The following ISOC2 variants were observed in gnomAD, a reference collection of about 807,000 sequenced individuals.
ISOC2 encodes the protein isochorismatase domain containing 2, also known as isochorismatase domain-containing protein 2.
In ISOC2, 15 loss-of-function variants were observed where a neutral mutation model predicts 19.3. The ratio of observed to expected loss-of-function variants is 0.78; its 90% confidence interval spans 0.52 to 1.20. ISOC2 has a LOEUF of 1.20. Ranked by LOEUF, ISOC2 falls within the 50% of genes most tolerant of loss-of-function variation. ISOC2 has a pLI of 0.00. For synonymous variants in ISOC2, 106 were observed against 115.8 expected (o/e 0.92, Z 0.54); for missense variants, 285 against 272.4 (o/e 1.05, Z -0.33).
In ISOC2 at chr19:55,455,126, A is replaced by C. The variant is rs2123376779; in HGVS notation, c.420-20T>G. 1.2e-5 allele frequency: 7 copies of C among 600,276 alleles called. No homozygotes were observed. Among genetic ancestry groups the C allele is most frequent in the Non-Finnish European group, 2.2e-5 (7 of 320,170 alleles). 37.2% of individuals were successfully genotyped at this position (600,276 alleles called of 1,614,324 possible). On this transcript the variant is annotated intron_variant, in intron 4 of 5. Coordinates refer to ENST00000425675, the MANE Select transcript of ISOC2 (RefSeq NM_001136201.2). ...ACCTGGCTGTGAGTGGGAGGGAGGGAGGGAAGGTTGGTGTGGACGCCGCAG... is the reference window on the plus strand; with the variant it reads ...ACCTGGCTGTGAGTGGGAGGGAGGGCGGGAAGGTTGGTGTGGACGCCGCAG...
At chr19:55,458,276 G>A (rs891715035) in intron 1 of ISOC2, among the ~76,000 whole-genome samples, 3 of 152,206 alleles carry the variant, frequency 2.0e-5, no homozygotes, top group Admixed American at 1.3e-4. Context: ...CCCTGAATCA[G>A]CACGTCTTGG....
intron 5 of ISOC2, 75 bp downstream of exon 5, chr19:55,454,914 A>T: frequency 8.9e-7 from 1 of 1,122,794 alleles, no homozygotes; most frequent in East Asian, 2.4e-5. Flanking sequence ...GCTGGTGCCG[A>T]GATGTATTCT....
At chr19:55,456,542 C>A in intron 1 of ISOC2, 53 bp from the exon 2 acceptor site, 1 of 1,594,916 alleles carries the variant, frequency 6.3e-7, no homozygotes, top group Non-Finnish European at 8.5e-7. Flanking sequence ...CTCTCAGTGT[C>A]TCCAGCTGGC....
intron 1 of ISOC2, among the ~76,000 whole-genome samples, chr19:55,457,600 G>A (rs145082177): frequency 0.03 from 4,525 of 152,068 alleles, 226 homozygotes; most frequent in African/African-American, 0.1. Context: ...AGGCCGAGGC[G>A]GGCGGATCAT....
At position 55,456,506 on chromosome 19, in the gene ISOC2, G is replaced by A; in HGVS notation, c.-3-17C>T. ...CGCCATTTTCTGGGGGTGGGCAGAG[G>A]GACGGTGGGTCAGGCCCGAGGGCTC... On this transcript the variant is annotated splice_polypyrimidine_tract_variant and intron_variant, in intron 1 of 5. Coordinates refer to ENST00000425675, the MANE Select transcript of ISOC2 (RefSeq NM_001136201.2). The A allele has an allele frequency of 1.2e-6, 2 of 1,613,122 alleles. No individual in the cohort carries two copies. Among genetic ancestry groups the A allele is most frequent in the East Asian group, 4.5e-5 (2 of 44,878 alleles).
At chr19:55,454,861 G>C in intron 5 of ISOC2, 128 bp downstream of exon 5, 1 of 726,966 alleles carries the variant, frequency 1.4e-6, no homozygotes, top group Non-Finnish European at 2.5e-6. Context: ...GTGACCAGCA[G>C]CCTCCCCTCC....
At chr19:55,454,024 T>G (rs1395223840) in intron 5 of ISOC2, 1 of 152,382 alleles carries the variant, frequency 6.6e-6, no homozygotes, top group African/African-American at 2.4e-5. Context: ...AAACTGCCGA[T>G]CTGATATGGC....
chr19:55,455,315 G>A lies in ISOC2; in HGVS notation c.364C>T (p.Leu122Phe), dbSNP rs1986012573. The change falls in exon 4 of 6, where the codon CTC becomes TTC. Residue 122 changes from leucine (L) to phenylalanine (F), a missense_variant. By Grantham distance (22) the Leu-to-Phe change is conservative. Coordinates refer to ENST00000425675, the MANE Select transcript of ISOC2 (RefSeq NM_001136201.2). ...QACILNTTLD[L>F]LDRGLQVHVV... is the part of the protein sequence containing the mutation. ...TGGACCTGCAGCCCCCGGTCTAGGAGGTCCAGGGTCGTGTTCTGTGGGTAG... is the reference window on the plus strand; with the variant it reads ...TGGACCTGCAGCCCCCGGTCTAGGAAGTCCAGGGTCGTGTTCTGTGGGTAG... 1.2e-6 allele frequency: 2 copies of A among 1,613,946 alleles called. No individual in the cohort carries two copies. The highest frequency in any genetic ancestry group is 1.7e-5 in the Admixed American group (1 of 59,998).
chr19:55,458,725 A>T (rs570311493), intron 1 of ISOC2, among the ~76,000 whole-genome samples: 1 of 151,230 alleles, frequency 6.6e-6, no homozygotes, highest in Non-Finnish European at 1.5e-5. Flanking sequence ...ATGGGGTTTC[A>T]CCATGTTGGC....
At chr19:55,454,548 G>T in intron 5 of ISOC2, 1 of 163,682 alleles carries the variant, frequency 6.1e-6, no homozygotes, top group Non-Finnish European at 1.3e-5. Flanking sequence ...AGAAACTGGA[G>T]GAGGGGCACC....
chr19:55,454,809 G>T, intron 5 of ISOC2, 180 bp downstream of exon 5: 1 of 621,840 alleles, frequency 1.6e-6, no homozygotes, highest in Non-Finnish European at 2.9e-6. Context: ...TGGCCCTTAT[G>T]GTCCATCTGT....
At position 55,455,123 on chromosome 19, in the gene ISOC2, G is replaced by GGGAC. The variant is rs757409316; in HGVS notation, c.420-18_420-17insGTCC. ...TCCACCTGGCTGTGAGTGGGAGGGAGGGAGGGAAGGTTGGTGTGGACGCCG... is the reference window on the plus strand; with the variant it reads ...TCCACCTGGCTGTGAGTGGGAGGGAGGGACGGAGGGAAGGTTGGTGTGGACGCCG... On this transcript the variant is annotated splice_polypyrimidine_tract_variant and intron_variant, in intron 4 of 5. Coordinates refer to ENST00000425675, the MANE Select transcript of ISOC2 (RefSeq NM_001136201.2). 2.5e-6 allele frequency: 4 copies of GGGAC among 1,584,248 alleles called. No homozygotes were observed. In the African/African-American group the frequency reaches 4.1e-5, roughly 16 times the overall value.
In ISOC2 at chr19:55,453,288, C is replaced by T. The variant is rs767380885; in HGVS notation, c.*20G>A. 6.3e-7 allele frequency: 1 copy of T among 1,586,224 alleles called. No homozygotes were observed. Among genetic ancestry groups the T allele is most frequent in the Non-Finnish European group, 8.6e-7 (1 of 1,164,390 alleles). Reference sequence around the variant, plus strand: ...TCCGGGTGACAGGAGGGTGGTCTTCCCTCAAGGCAGGGTTGGAGTTCAGTG... The same window carrying T: ...TCCGGGTGACAGGAGGGTGGTCTTCTCTCAAGGCAGGGTTGGAGTTCAGTG... On this transcript the variant is annotated 3_prime_UTR_variant, in exon 6 of 6. Transcript: ENST00000425675.
chr19:55,454,681 C>T (rs145046443), intron 5 of ISOC2: 65 of 406,754 alleles, frequency 1.6e-4, no homozygotes, highest in African/African-American at 1.2e-3. Context: ...CTGGTCACTC[C>T]CTCCTTCAGT....
At chr19:55,461,370 GC>G (rs1363744969) in intron 1 of ISOC2, 141 bp downstream of exon 1, 1 of 152,322 alleles carries the variant, frequency 6.6e-6, no homozygotes, top group Non-Finnish European at 1.5e-5. Context: ...TCTCTGGCCA[GC>G]CAATTCTGGC....
chr19:55,453,064 G>T lies in ISOC2; in HGVS notation c.*244C>A. On this transcript the variant is annotated 3_prime_UTR_variant, in exon 6 of 6. Coordinates refer to ENST00000425675, the MANE Select transcript of ISOC2 (RefSeq NM_001136201.2). ...TCTTCCCCTCCCCTTCCCGCCCCGT[G>T]AAGTGGCCCGGGGCCGAGCCCCGCC... is the stretch of plus-strand genomic sequence containing the variant. The T allele has an allele frequency of 2.2e-6, 1 of 464,570 alleles. No individual in the cohort carries two copies. The highest frequency in any genetic ancestry group is 3.8e-5 in the East Asian group (1 of 26,476). The allele number at this position is 464,570 out of a possible 1,614,324, so 28.8% of individuals were successfully genotyped here.
intron 1 of ISOC2, among the ~76,000 whole-genome samples, chr19:55,461,210 C>T (rs544225034): frequency 1.7e-3 from 260 of 152,134 alleles, no homozygotes; most frequent in East Asian, 3.3e-3. Flanking sequence ...GGAAACCCGG[C>T]CTTGGAGCCC....
intron 3 of ISOC2, 22 bp downstream of exon 3, chr19:55,455,614 C>G (rs753839974): frequency 1.9e-6 from 3 of 1,558,162 alleles, no homozygotes; most frequent in South Asian, 2.4e-5. Flanking sequence ...CGAGGGACCC[C>G]TGGGGTCAGT....
chr19:55,459,618 C>G (rs4801650), intron 1 of ISOC2: 35,116 of 152,028 alleles, frequency 0.23, 4,136 homozygotes, highest in South Asian at 0.27. Flanking sequence ...CCTTTCCCCC[C>G]CGCCCCGCAC....
Sources: allele counts gnomAD v4.1 joint callset (sites outside exome capture counted in the v4.1 genomes callset), GRCh38; gene constraint gnomAD v4.1.1; transcripts MANE v1.5; gene names NCBI Gene and HGNC (gene_info 2026-07-23, HGNC 2026-07-21).